SEPTIN9: variants seen among roughly 807,000 people sequenced by gnomAD.
SEPTIN9 encodes septin-9.
In SEPTIN9, 13 loss-of-function variants were observed where a neutral mutation model predicts 56.6. The ratio of observed to expected loss-of-function variants is 0.23; its 90% confidence interval spans 0.15 to 0.37. The LOEUF is 0.37. Ranked by LOEUF, SEPTIN9 falls within the 10% of genes least tolerant of loss-of-function variation. The pLI is 1.00. For missense variants in SEPTIN9, 650 were observed against 823.1 expected, an observed-to-expected ratio of 0.79 and a Z score of 2.57; for synonymous variants, 332 against 334.1, an observed-to-expected ratio of 0.99 and a Z score of 0.07.
At chr17:77,392,385 C>T (rs557633085) in intron 2 of SEPTIN9, among the ~76,000 whole-genome samples, 1 of 152,326 alleles carries the variant, frequency 6.6e-6, no homozygotes, top group Non-Finnish European at 1.5e-5. Flanking sequence ...TTGAAGTTTT[C>T]AGGGATACTA....
Position 77,326,317 on chromosome 17 carries a change from G to A in SEPTIN9, c.76+19120G>A, listed in dbSNP as rs769628272. ...CTTGCCCTCATGGGACTGCACAAGT[G>A]CAAGACCACATCAGTAAACGTGAAA... is the stretch of plus-strand genomic sequence containing the variant. On this transcript the variant is annotated intron_variant, in intron 2 of 11. Coordinates refer to ENST00000427177, the MANE Select transcript of SEPTIN9 (RefSeq NM_001113491.2). This position sits in a 1 kb window ranked among gnomAD's most constrained non-coding sequence, Gnocchi z 5.1. Among the ~76,000 whole-genome samples the A allele has an allele frequency of 6.6e-6, 1 of 152,226 alleles. No homozygotes were observed. Among genetic ancestry groups the A allele is most frequent in the Non-Finnish European group, 1.5e-5 (1 of 68,034 alleles).
chr17:77,314,771 C>G (rs1047199006), intron 2 of SEPTIN9, among the ~76,000 whole-genome samples: 92 of 152,356 alleles, frequency 6.0e-4, no homozygotes, highest in African/African-American at 2.0e-3. Flanking sequence ...ACCGCCTGCT[C>G]CCTTTTCTGG....
Position 77,451,510 on chromosome 17 carries a change from C to G in SEPTIN9, c.722-30634C>G, listed in dbSNP as rs765345120. ...CGGCTCTCGGCGCGTCCAGCGCAGC[C>G]CGACGTTCCGCTGCTGGGGTGAGTC... On this transcript the variant is annotated intron_variant, in intron 3 of 11. Coordinates refer to ENST00000427177, the MANE Select transcript of SEPTIN9 (RefSeq NM_001113491.2). The surrounding 1 kb of genome is among the most constrained non-coding windows in gnomAD (Gnocchi z 4.2). The G allele has an allele frequency of 8.1e-6, 8 of 985,714 alleles. No homozygotes were observed. The highest frequency in any genetic ancestry group is 9.6e-6 in the Non-Finnish European group (8 of 830,236). 61.1% of individuals were successfully genotyped at this position (985,714 alleles called of 1,614,324 possible). A position where few individuals can be genotyped will look rare whatever the true frequency, so the allele number is the denominator to read the frequency against.
intron 2 of SEPTIN9, among the ~76,000 whole-genome samples, chr17:77,396,727 C>G (rs573544094): frequency 6.6e-6 from 1 of 152,234 alleles, no homozygotes; most frequent in East Asian, 1.9e-4. Flanking sequence ...GGGTACAACT[C>G]ACAATGTCCT....
intron 3 of SEPTIN9, chr17:77,428,894 G>T: frequency 2.4e-6 from 1 of 416,664 alleles, no homozygotes; most frequent in Non-Finnish European, 5.1e-6. Context: ...TTGCCTCATC[G>T]TATGTAAATT....
At chr17:77,358,476 C>G (rs1295328397) in intron 2 of SEPTIN9, among the ~76,000 whole-genome samples, 1 of 151,982 alleles carries the variant, frequency 6.6e-6, no homozygotes, top group Non-Finnish European at 1.5e-5. Context: ...CAAAAATTAG[C>G]CAGACATGGT....
intron 2 of SEPTIN9, among the ~76,000 whole-genome samples, chr17:77,333,652 C>T (rs2033442555): frequency 6.6e-6 from 1 of 152,190 alleles, no homozygotes; most frequent in Non-Finnish European, 1.5e-5. Flanking sequence ...AAACCTTTGC[C>T]TACCCTGCCA....
At chr17:77,368,596 G>C (rs1467244529) in intron 2 of SEPTIN9, among the ~76,000 whole-genome samples, 1 of 152,172 alleles carries the variant, frequency 6.6e-6, no homozygotes, top group Non-Finnish European at 1.5e-5. Flanking sequence ...ACAGGCGTGA[G>C]CCATGGTGGC....
intron 4 of SEPTIN9, chr17:77,483,760 G>T (rs1030916670): frequency 1.3e-5 from 2 of 152,254 alleles, no homozygotes; most frequent in Non-Finnish European, 2.9e-5. Context: ...GGAATGGTGC[G>T]CAGGAGGCCA....
chr17:77,470,349 C>T lies in SEPTIN9; in HGVS notation c.722-11795C>T, dbSNP rs554718950. ...ACCCATCCTCTCATCTATCCATCCACTCATCTACCCATCCACTTATCCATC... is the reference window on the plus strand; with the variant it reads ...ACCCATCCTCTCATCTATCCATCCATTCATCTACCCATCCACTTATCCATC... On this transcript the variant is annotated intron_variant, in intron 3 of 11. Coordinates refer to ENST00000427177, the MANE Select transcript of SEPTIN9 (RefSeq NM_001113491.2). Among the ~76,000 whole-genome samples the T allele has an allele frequency of 2.0e-5, 3 of 151,520 alleles. No individual in the cohort carries two copies. The East Asian group carries it at 5.9e-4, about 30-fold the overall frequency.
intron 2 of SEPTIN9, among the ~76,000 whole-genome samples, chr17:77,381,346 G>A (rs559965879): frequency 1.3e-5 from 2 of 152,336 alleles, no homozygotes; most frequent in East Asian, 3.9e-4. Context: ...CTCCTGCCAG[G>A]TCAACAGCCA....
At chr17:77,287,866 T>C in intron 1 of SEPTIN9, 1 of 1,026,806 alleles carries the variant, frequency 9.7e-7, no homozygotes, top group Non-Finnish European at 1.2e-6. Flanking sequence ...GCGCAGGGAA[T>C]GTAAGATGAT....
intron 3 of SEPTIN9, among the ~76,000 whole-genome samples, chr17:77,408,461 T>A (rs778812674): frequency 2.6e-5 from 4 of 152,136 alleles, no homozygotes; most frequent in Non-Finnish European, 1.5e-5. Context: ...CCCGAGCTGA[T>A]GATGGTGGGC....
intron 2 of SEPTIN9, among the ~76,000 whole-genome samples, chr17:77,312,927 T>C (rs889524750): frequency 6.6e-6 from 1 of 152,222 alleles, no homozygotes; most frequent in South Asian, 2.1e-4. Flanking sequence ...CACTGCCACA[T>C]GTGGCTGCCA....
chr17:77,388,219 G>A (rs1002563767), intron 2 of SEPTIN9, among the ~76,000 whole-genome samples: 8 of 152,182 alleles, frequency 5.3e-5, no homozygotes, highest in Admixed American at 1.3e-4. Context: ...TCTCAGAGCA[G>A]GAGGGGCCCC....
rs1685666658 is a variant in SEPTIN9, at chr17:77,371,069, A to G, written c.77-30990A>G. Among the ~76,000 whole-genome samples the G allele has an allele frequency of 6.6e-6, 1 of 152,216 alleles. No homozygotes were observed. The highest frequency in any genetic ancestry group is 6.5e-5 in the Admixed American group (1 of 15,282). On this transcript the variant is annotated intron_variant, in intron 2 of 11. Coordinates refer to ENST00000427177, the MANE Select transcript of SEPTIN9 (RefSeq NM_001113491.2). This position sits in a 1 kb window ranked among gnomAD's most constrained non-coding sequence, Gnocchi z 4.1. ...ATGTACAATTAGAGCAGTTGGTTAG[A>G]TACGAGGGTGAACTTCCTGGCTGGG...
chr17:77,372,944 T>G (rs2143911123), intron 2 of SEPTIN9, among the ~76,000 whole-genome samples: 1 of 152,282 alleles, frequency 6.6e-6, no homozygotes, highest in Admixed American at 6.5e-5. Flanking sequence ...GCTGCCCAAA[T>G]ACAGCCTCCT....
intron 2 of SEPTIN9, among the ~76,000 whole-genome samples, chr17:77,397,835 G>A (rs989884890): frequency 2.0e-5 from 3 of 152,168 alleles, no homozygotes; most frequent in Non-Finnish European, 4.4e-5. Flanking sequence ...GTTTTTAGTA[G>A]AGACAGGGTT....
rs2033183804 is a variant in SEPTIN9, at chr17:77,327,463, G to A, written c.76+20266G>A. 6.6e-6 allele frequency among the ~76,000 whole-genome samples: 1 copy of A among 152,150 alleles called. No individual in the cohort carries two copies. Among genetic ancestry groups the A allele is most frequent in the Non-Finnish European group, 1.5e-5 (1 of 68,032 alleles). On this transcript the variant is annotated intron_variant, in intron 2 of 11. Coordinates refer to ENST00000427177, the MANE Select transcript of SEPTIN9 (RefSeq NM_001113491.2). The surrounding 1 kb of genome is among the most constrained non-coding windows in gnomAD (Gnocchi z 5.0). ...TTGGCATAGATTCTGGGGCTGCCTT[G>A]GTTCAAGCCCACCCTGACTTGGAGC...
Sources: gnomAD v4.1 joint callset for allele counts (sites outside exome capture counted in the v4.1 genomes callset) on GRCh38, gnomAD v4.1.1 for gene constraint, Gnocchi (gnomAD v3.1) non-coding constraint, MANE v1.5 for transcripts, NCBI Gene and HGNC (gene_info 2026-07-23, HGNC 2026-07-21) for gene names.